The following SPON2 variants were observed in gnomAD, a reference collection of about 807,000 sequenced individuals.
SPON2 encodes the protein spondin 2.
In SPON2, 32 loss-of-function variants were observed where a neutral mutation model predicts 29.9. The observed-to-expected ratio is 1.07, with a 90% CI of 0.81 to 1.44. The LOEUF (loss-of-function observed/expected upper bound fraction) is 1.44, where lower values mean the gene tolerates loss of function less well. Among genes scored for constraint, SPON2 ranks in the 40% most tolerant of loss-of-function variants. SPON2 has a pLI of 0.00. For synonymous variants in SPON2, 248 were observed against 209.1 expected (o/e 1.19, Z -1.61); for missense variants, 541 against 455.5 (o/e 1.19, Z -1.71).
In SPON2 at chr4:1,171,409, G is replaced by A. The variant is rs369831853; in HGVS notation, c.298C>T (p.Arg100Cys). Reference protein sequence around the residue: ...VSNGLRDFAERGEAWALMKEI... With the variant: ...VSNGLRDFAECGEAWALMKEI... ...TTCATCAGCGCCCAGGCCTCGCCGC[G>A]CTCCGCAAAGTCGCGCAGCCCGTTA... Residue 100 changes from arginine (R) to cysteine (C), a missense_variant, in exon 3 of 6, where the codon CGC (arginine) becomes TGC (cysteine). By Grantham distance (180) the Arg-to-Cys change is radical. Transcript: ENST00000290902. 1.2e-6 allele frequency: 2 copies of A among 1,612,166 alleles called. No individual in the cohort carries two copies. Among genetic ancestry groups the A allele is most frequent in the African/African-American group, 1.3e-5 (1 of 74,908 alleles).
intron 1 of SPON2, among the ~76,000 whole-genome samples, chr4:1,207,245 C>A (rs1728364484): frequency 1.3e-5 from 2 of 152,130 alleles, no homozygotes; most frequent in Non-Finnish European, 2.9e-5. Context: ...GGCCGGAGGC[C>A]TAGACGCCTG....
At chr4:1,187,867 G>A (rs1423647521) in intron 1 of SPON2, among the ~76,000 whole-genome samples, 1 of 151,924 alleles carries the variant, frequency 6.6e-6, no homozygotes. Context: ...TTTTTACACT[G>A]CCCTTTGAAA....
upstream of SPON2, among the ~76,000 whole-genome samples, chr4:1,177,489 G>A (rs187711044): frequency 1.5e-4 from 23 of 152,312 alleles, no homozygotes; most frequent in Admixed American, 1.5e-3. Flanking sequence ...GCAGGCGGGT[G>A]TGGGGTTTCC....
At chr4:1,206,207 C>T (rs147974615) in intron 1 of SPON2, among the ~76,000 whole-genome samples, 3 of 152,294 alleles carry the variant, frequency 2.0e-5, no homozygotes, top group Non-Finnish European at 4.4e-5. Flanking sequence ...TGTGCCCCCA[C>T]GGGAGCCAGC....
At chr4:1,199,689 T>C (rs1377975134), upstream of SPON2, 1 of 152,238 alleles carries the variant, frequency 6.6e-6, no homozygotes, top group Admixed American at 6.5e-5. The surrounding 1 kb of genome is among the most constrained non-coding windows in gnomAD (Gnocchi z 4.5). Flanking sequence ...GGTCCCCCCA[T>C]CACGCCTCTT....
intron 1 of SPON2, among the ~76,000 whole-genome samples, chr4:1,185,155 C>T (rs933191963): frequency 6.6e-6 from 1 of 151,382 alleles, no homozygotes; most frequent in Non-Finnish European, 1.5e-5. Flanking sequence ...CTCACTGCAG[C>T]CTCCGTCTCC....
upstream of SPON2, among the ~76,000 whole-genome samples, chr4:1,198,083 C>T (rs1185386611): frequency 6.6e-6 from 1 of 151,174 alleles, no homozygotes; most frequent in South Asian, 2.1e-4. Context: ...TAAATGACTA[C>T]CTCTATTTAG....
chr4:1,170,182 G>T, intron 5 of SPON2: 4 of 555,010 alleles, frequency 7.2e-6, no homozygotes, highest in Non-Finnish European at 1.3e-5. Flanking sequence ...TTTCCTCTGG[G>T]CTGTGGCCCT....
intron 2 of SPON2, among the ~76,000 whole-genome samples, chr4:1,178,875 G>A: frequency 6.6e-6 from 1 of 152,060 alleles, no homozygotes; most frequent in Non-Finnish European, 1.5e-5. Flanking sequence ...AGTGGCAGCT[G>A]GTCCCCCCTG....
intron 1 of SPON2, among the ~76,000 whole-genome samples, chr4:1,204,810 A>C (rs73793112): frequency 0.055 from 8,445 of 152,194 alleles, 396 homozygotes; most frequent in East Asian, 0.21. Flanking sequence ...CAGACCCTCT[A>C]TAACAGGTAT....
chr4:1,181,546 A>G (rs1727701068), intron 1 of SPON2, among the ~76,000 whole-genome samples: 1 of 152,216 alleles, frequency 6.6e-6, no homozygotes, highest in Admixed American at 6.5e-5. Flanking sequence ...TACCCAGACA[A>G]CAATTGCACT....
intron 1 of SPON2, among the ~76,000 whole-genome samples, chr4:1,200,458 C>G (rs551956906): frequency 2.0e-5 from 3 of 151,916 alleles, no homozygotes; most frequent in South Asian, 4.3e-4. Context: ...ATGGCTGAGC[C>G]GCCCTGGTGT....
chr4:1,188,702 A>C (rs1023487084), intron 1 of SPON2, among the ~76,000 whole-genome samples: 1 of 152,244 alleles, frequency 6.6e-6, no homozygotes, highest in Non-Finnish European at 1.5e-5. Context: ...TGAAGGGCAA[A>C]ATGGACAATT....
chr4:1,187,013 T>C (rs2108662346), intron 1 of SPON2, among the ~76,000 whole-genome samples: 1 of 152,318 alleles, frequency 6.6e-6, no homozygotes, highest in South Asian at 2.1e-4. Context: ...TGATCCCACA[T>C]TGCAACTGTG....
rs751599616 is a variant in SPON2 at position 1,171,206 on chromosome 4, C to T, written c.445-16G>A. On this transcript the variant is annotated splice_polypyrimidine_tract_variant and intron_variant, in intron 3 of 5. Coordinates refer to ENST00000290902, the MANE Select transcript of SPON2 (RefSeq NM_012445.4). ...CAAACGAGACCTGCGGCGACAGCGG[C>T]TCAGCGCGCCTGGCCCCGGCCCCCC... 1.4e-6 allele frequency: 2 copies of T among 1,476,592 alleles called. No homozygotes were observed. The highest frequency in any genetic ancestry group is 1.8e-6 in the Non-Finnish European group (2 of 1,122,634). 91.5% of individuals were successfully genotyped at this position (1,476,592 alleles called of 1,614,324 possible). A position where few individuals can be genotyped will look rare whatever the true frequency, so the allele number is the denominator to read the frequency against.
At chr4:1,206,317 C>G (rs1728341108) in intron 1 of SPON2, among the ~76,000 whole-genome samples, 1 of 152,238 alleles carries the variant, frequency 6.6e-6, no homozygotes, top group African/African-American at 2.4e-5. Context: ...GCTGCAGCCC[C>G]CAGCTCCCCT....
At chr4:1,172,187 G>A in intron 1 of SPON2, 113 bp from the exon 2 acceptor site, 4 of 858,666 alleles carry the variant, frequency 4.7e-6, no homozygotes, top group Non-Finnish European at 7.1e-6. Flanking sequence ...GAGCACCCGC[G>A]ACCCCCTCCC....
At chr4:1,175,046 A>G (rs1727564731), upstream of SPON2, among the ~76,000 whole-genome samples, 1 of 152,222 alleles carries the variant, frequency 6.6e-6, no homozygotes, top group South Asian at 2.1e-4. Context: ...CAGGACTGGC[A>G]GCCGCTGCTC....
chr4:1,186,545 C>A (rs1727811564), intron 1 of SPON2, among the ~76,000 whole-genome samples: 1 of 152,070 alleles, frequency 6.6e-6, no homozygotes, highest in Admixed American at 6.5e-5. Context: ...CTCAGGTGAT[C>A]CACCCACCTC....
Sources: allele counts gnomAD v4.1 joint callset (sites outside exome capture counted in the v4.1 genomes callset), GRCh38; gene constraint gnomAD v4.1.1; non-coding constraint Gnocchi (gnomAD v3.1); transcripts MANE v1.5; gene names NCBI Gene and HGNC (gene_info 2026-07-23, HGNC 2026-07-21).